The following SLC71A2 variants were observed in gnomAD, a reference collection of about 807,000 sequenced individuals.
The protein encoded by SLC71A2 is solute carrier family 71 member 2.
the SLC71A2 span, among the ~76,000 whole-genome samples, chr9:94,421,773 C>T: frequency 6.6e-6 from 1 of 152,184 alleles, no homozygotes; most frequent in Non-Finnish European, 1.5e-5. Context: ...ACCTTTCCTT[C>T]TCGTGAACTA....
chr9:94,446,915 T>C, the SLC71A2 span: 2 of 1,596,630 alleles, frequency 1.3e-6, no homozygotes, highest in Non-Finnish European at 1.7e-6. Flanking sequence ...AGTATTCAAG[T>C]TTTTTTCTCT....
the SLC71A2 span, among the ~76,000 whole-genome samples, chr9:94,457,344 G>A: frequency 6.6e-6 from 1 of 151,976 alleles, no homozygotes; most frequent in Non-Finnish European, 1.5e-5. Context: ...ATTGTATTCA[G>A]GAAGAAGTAG....
chr9:94,374,980 G>C, the SLC71A2 span: 2 of 1,199,438 alleles, frequency 1.7e-6, no homozygotes, highest in Admixed American at 8.9e-5. Flanking sequence ...GCTGGGTGGG[G>C]TCGCACCCAG....
the SLC71A2 span, among the ~76,000 whole-genome samples, chr9:94,384,710 A>C: frequency 4.6e-5 from 7 of 152,104 alleles, no homozygotes; most frequent in African/African-American, 1.4e-4. Flanking sequence ...CTTTATACAT[A>C]TATTCTGGAT....
chr9:94,445,274 A>G, the SLC71A2 span: 1 of 1,009,798 alleles, frequency 9.9e-7, no homozygotes, highest in Non-Finnish European at 1.4e-6. Context: ...GGATCCTAGC[A>G]GTTGTTGACT....
chr9:94,416,603 C>T, the SLC71A2 span, among the ~76,000 whole-genome samples: 1 of 152,134 alleles, frequency 6.6e-6, no homozygotes, highest in South Asian at 2.1e-4. Flanking sequence ...GCCTGTAATC[C>T]CAGCACTTTT....
At chr9:94,454,369 T>A in the SLC71A2 span, among the ~76,000 whole-genome samples, 53 of 151,648 alleles carry the variant, frequency 3.5e-4, no homozygotes, top group South Asian at 0.011. Context: ...CATATGCCAA[T>A]TTTTTTTTCT....
chr9:94,378,756 G>T, the SLC71A2 span, among the ~76,000 whole-genome samples: 4 of 152,098 alleles, frequency 2.6e-5, no homozygotes, highest in Non-Finnish European at 5.9e-5. Context: ...AACACTGGGG[G>T]TCACATTTCA....
chr9:94,439,021 C>CTTTTTTT, the SLC71A2 span, among the ~76,000 whole-genome samples: 26 of 75,850 alleles, frequency 3.4e-4, no homozygotes, highest in Middle Eastern at 7.7e-3. Flanking sequence ...AATTTGAGTT[C>CTTTTTTT]GTTTTTTTTT....
the SLC71A2 span, among the ~76,000 whole-genome samples, chr9:94,447,481 G>GT: frequency 0.023 from 2,224 of 98,314 alleles, 16 homozygotes; most frequent in Non-Finnish European, 0.029. Context: ...TGCCCAGCCT[G>GT]TTTTTTTTTT....
chr9:94,438,073 C>T, the SLC71A2 span, among the ~76,000 whole-genome samples: 5 of 152,136 alleles, frequency 3.3e-5, no homozygotes, highest in Admixed American at 6.5e-5. Context: ...GGATTACAGG[C>T]GTCTGCCACC....
the SLC71A2 span, chr9:94,458,359 A>G: frequency 1.9e-5 from 30 of 1,613,636 alleles, no homozygotes; most frequent in East Asian, 1.1e-4. Context: ...TAAGAGGACT[A>G]TGCAATGGCC....
At chr9:94,426,793 ATACT>A in the SLC71A2 span, among the ~76,000 whole-genome samples, 2 of 152,214 alleles carry the variant, frequency 1.3e-5, no homozygotes, top group South Asian at 2.1e-4. Context: ...CTTCTCAAGA[ATACT>A]TAAAGGGGAT....
the SLC71A2 span, among the ~76,000 whole-genome samples, chr9:94,438,193 C>T: frequency 1.1e-4 from 16 of 152,338 alleles, no homozygotes; most frequent in African/African-American, 2.6e-4. Flanking sequence ...CCGCCTCGGC[C>T]TTCCAAAGTG....
At chr9:94,432,178 G>A in the SLC71A2 span, among the ~76,000 whole-genome samples, 7 of 151,660 alleles carry the variant, frequency 4.6e-5, no homozygotes, top group South Asian at 2.1e-4. Flanking sequence ...TTGGTCTACA[G>A]TGTTCAGAAA....
At chr9:94,438,973 C>T in the SLC71A2 span, among the ~76,000 whole-genome samples, 1 of 150,706 alleles carries the variant, frequency 6.6e-6, no homozygotes, top group African/African-American at 2.4e-5. Context: ...TAAAATATAC[C>T]ATAATAAGGC....
chr9:94,459,615 T>C, the SLC71A2 span: 2 of 547,210 alleles, frequency 3.7e-6, no homozygotes, highest in African/African-American at 3.8e-5. Context: ...TTCCTGTTTA[T>C]ACATTAGAAC....
the SLC71A2 span, chr9:94,441,217 G>A: frequency 2.1e-6 from 1 of 477,344 alleles, no homozygotes; most frequent in Non-Finnish European, 3.7e-6. Context: ...AAATATCTGA[G>A]ACTGGGTAAT....
the SLC71A2 span, among the ~76,000 whole-genome samples, chr9:94,399,394 G>C: frequency 6.6e-6 from 1 of 151,900 alleles, no homozygotes; most frequent in Non-Finnish European, 1.5e-5. Context: ...TTTCTTTCAG[G>C]CTCTTTCAGC....
Sources: gnomAD v4.1 joint callset for allele counts (sites outside exome capture counted in the v4.1 genomes callset) on GRCh38, gnomAD v4.1.1 for gene constraint, MANE v1.5 for transcripts, NCBI Gene and HGNC (gene_info 2026-07-23, HGNC 2026-07-21) for gene names.